The following UNC13C variants were observed in gnomAD, a reference collection of about 807,000 sequenced individuals.
The protein encoded by UNC13C is protein unc-13 homolog C.
In UNC13C, 174 loss-of-function variants were observed where a neutral mutation model predicts 245.4. The observed-to-expected ratio is 0.71, with a 90% confidence interval of 0.63 to 0.80. UNC13C has a LOEUF of 0.80. Among genes scored for constraint, UNC13C ranks in the 30% least tolerant of loss-of-function variants. The probability of loss-of-function intolerance (pLI) is 0.00; values close to 1 mark genes in which losing one functional copy is unlikely to be tolerated. For synonymous variants in UNC13C, 992 were observed against 895.1 expected (o/e 1.11, Z -1.93); for missense variants, 2,829 against 2,602.9 (o/e 1.09, Z -1.89).
chr15:54,611,493 C>T (rs945122907), intron 30 of UNC13C: 2 of 152,108 alleles, frequency 1.3e-5, no homozygotes, highest in African/African-American at 4.8e-5. Flanking sequence ...ATTAAGATAA[C>T]ACCTAAAGAA....
At chr15:54,039,324 T>C (rs945385804) in intron 2 of UNC13C, among the ~76,000 whole-genome samples, 4 of 152,236 alleles carry the variant, frequency 2.6e-5, no homozygotes, top group Non-Finnish European at 5.9e-5. Flanking sequence ...TTTAATTTTA[T>C]TTGCCTGATT....
At chr15:54,200,208 G>A (rs111900743) in intron 4 of UNC13C, among the ~76,000 whole-genome samples, 4,512 of 152,058 alleles carry the variant, frequency 0.03, 220 homozygotes, top group African/African-American at 0.1. Flanking sequence ...ACCTAAGAAA[G>A]GAGAGAGACA....
intron 17 of UNC13C, among the ~76,000 whole-genome samples, chr15:54,347,719 A>T (rs1329532305): frequency 6.6e-6 from 1 of 152,176 alleles, no homozygotes; most frequent in Non-Finnish European, 1.5e-5. Context: ...TGGGAGTTGT[A>T]TGTAAAATCA....
chr15:54,103,403 G>T (rs1278218896), intron 2 of UNC13C, among the ~76,000 whole-genome samples: 2 of 152,174 alleles, frequency 1.3e-5, no homozygotes, highest in Non-Finnish European at 2.9e-5. Context: ...CCTGGAACAG[G>T]ATGAATAATA....
intron 2 of UNC13C, among the ~76,000 whole-genome samples, chr15:54,136,301 C>CA (rs1157957374): frequency 6.6e-6 from 1 of 151,894 alleles, no homozygotes; most frequent in Non-Finnish European, 1.5e-5. Flanking sequence ...CCATGCCCTG[C>CA]AAATTTTTTT....
chr15:54,338,241 CACTT>C (rs2038640766), intron 16 of UNC13C, 116 bp from the exon 17 acceptor site: 16 of 1,150,378 alleles, frequency 1.4e-5, no homozygotes, highest in Middle Eastern at 2.1e-4. Context: ...GGTAAGATGA[CACTT>C]ACTGAACATA....
chr15:54,557,954 G>A (rs1183640532), intron 29 of UNC13C, among the ~76,000 whole-genome samples: 2 of 151,976 alleles, frequency 1.3e-5, no homozygotes, highest in African/African-American at 4.8e-5. Flanking sequence ...CCTTTGTAGG[G>A]ACATGGATGA....
At chr15:54,000,823 G>A (rs549652611) in intron 1 of UNC13C, among the ~76,000 whole-genome samples, 1 of 152,150 alleles carries the variant, frequency 6.6e-6, no homozygotes, top group South Asian at 2.1e-4. Context: ...TTAGACTTGT[G>A]GACATCTAAT....
At chr15:54,462,898 C>G (rs566107951) in intron 19 of UNC13C, among the ~76,000 whole-genome samples, 11 of 152,234 alleles carry the variant, frequency 7.2e-5, no homozygotes, top group East Asian at 2.0e-4. Context: ...ATCCACAAGA[C>G]GAAGCCAGCT....
chr15:54,081,709 G>A (rs1898951850), intron 2 of UNC13C, among the ~76,000 whole-genome samples: 1 of 151,904 alleles, frequency 6.6e-6, no homozygotes, highest in Non-Finnish European at 1.5e-5. Flanking sequence ...ACTCTTGAAG[G>A]CAACAGCAGG....
intron 2 of UNC13C, among the ~76,000 whole-genome samples, chr15:54,034,338 A>G (rs1025341126): frequency 1.3e-5 from 2 of 152,146 alleles, no homozygotes; most frequent in Admixed American, 6.5e-5. Flanking sequence ...AGGCATGACA[A>G]TCATTTTCTT....
Position 54,512,057 on chromosome 15 carries a change from G to A in UNC13C, c.5457+227G>A, listed in dbSNP as rs373312102. ...TGGGAGGCAGAAGATAGTAGCCTTT[G>A]GTCTTCTGTGTGTGCGCATGTATGT... On this transcript the variant is annotated intron_variant, in intron 24 of 32. Coordinates refer to ENST00000260323, the MANE Select transcript of UNC13C (RefSeq NM_001080534.3). Among the ~76,000 whole-genome samples the A allele has an allele frequency of 1.2e-3, 179 of 152,178 alleles. 3 individuals carry two copies. Among genetic ancestry groups the A allele is most frequent in the African/African-American group, 4.3e-3 (177 of 41,534 alleles).
At chr15:54,161,563 T>C (rs1399125582) in intron 4 of UNC13C, among the ~76,000 whole-genome samples, 1 of 152,174 alleles carries the variant, frequency 6.6e-6, no homozygotes, top group Non-Finnish European at 1.5e-5. Flanking sequence ...TATCAATATT[T>C]ATTTCTATAA....
the UNC13C span, among the ~76,000 whole-genome samples, chr15:53,885,028 T>C: frequency 6.6e-6 from 1 of 152,214 alleles, no homozygotes; most frequent in Non-Finnish European, 1.5e-5. Flanking sequence ...TTTGTCAAAA[T>C]CCATAGAACT....
At chr15:53,942,587 T>A in the UNC13C span, among the ~76,000 whole-genome samples, 1 of 152,062 alleles carries the variant, frequency 6.6e-6, no homozygotes, top group African/African-American at 2.4e-5. Flanking sequence ...AAAGAATTAG[T>A]TCATTACCAA....
intron 2 of UNC13C, among the ~76,000 whole-genome samples, chr15:54,035,023 G>A (rs1445023716): frequency 3.3e-5 from 5 of 151,990 alleles, no homozygotes; most frequent in African/African-American, 1.2e-4. Flanking sequence ...CACTTCCAAG[G>A]ATGATTTGGC....
At chr15:54,272,605 A>AATTT (rs755111455) in intron 10 of UNC13C, among the ~76,000 whole-genome samples, 4 of 152,098 alleles carry the variant, frequency 2.6e-5, no homozygotes, top group South Asian at 2.1e-4. Flanking sequence ...ATGGGATTAG[A>AATTT]ATTTATTTAT....
At chr15:53,898,564 G>A in the UNC13C span, among the ~76,000 whole-genome samples, 2 of 152,020 alleles carry the variant, frequency 1.3e-5, no homozygotes, top group African/African-American at 4.8e-5. Context: ...AATGAGAAAA[G>A]AATCAAAAGG....
chr15:54,025,598 C>T (rs1019525913), intron 2 of UNC13C, among the ~76,000 whole-genome samples: 1 of 152,126 alleles, frequency 6.6e-6, no homozygotes, highest in African/African-American at 2.4e-5. Context: ...CTTAATTAAG[C>T]ATTACCCCAT....
Sources: gnomAD v4.1 joint callset for allele counts (sites outside exome capture counted in the v4.1 genomes callset) on GRCh38, gnomAD v4.1.1 for gene constraint, MANE v1.5 for transcripts, NCBI Gene and HGNC (gene_info 2026-07-23, HGNC 2026-07-21) for gene names.